CACNA2D1: variants seen among roughly 807,000 people sequenced by gnomAD.
The protein encoded by CACNA2D1 is calcium voltage-gated channel auxiliary subunit alpha2delta 1, also known as voltage-dependent calcium channel subunit alpha-2/delta-1.
Under a neutral mutation model 171.5 loss-of-function variants are expected in CACNA2D1, and 53 were observed. The observed-to-expected ratio is 0.31, with a 90% CI of 0.25 to 0.39. The LOEUF (loss-of-function observed/expected upper bound fraction) is 0.39, where lower values mean the gene tolerates loss of function less well. CACNA2D1 is among the 10% of genes least tolerant of loss of function. CACNA2D1 has a pLI of 1.00. For missense variants in CACNA2D1, 903 were observed against 1,299.8 expected, an observed-to-expected ratio of 0.69 and a Z score of 4.69; for synonymous variants, 442 against 443.1, an observed-to-expected ratio of 1.00 and a Z score of 0.03.
intron 3 of CACNA2D1, among the ~76,000 whole-genome samples, chr7:82,323,557 C>A (rs1816266777): frequency 6.6e-6 from 1 of 152,168 alleles, no homozygotes; most frequent in Non-Finnish European, 1.5e-5. Flanking sequence ...AGAAGGACCC[C>A]ATGTTTGGTT....
At chr7:82,290,278 A>G (rs1811352392) in intron 3 of CACNA2D1, among the ~76,000 whole-genome samples, 1 of 152,128 alleles carries the variant, frequency 6.6e-6, no homozygotes, top group Non-Finnish European at 1.5e-5. Context: ...TGAGGAGGTA[A>G]AGGAGGAGGA....
At chr7:82,002,021 C>A (rs1484761355) in intron 18 of CACNA2D1, among the ~76,000 whole-genome samples, 1,224 of 89,386 alleles carry the variant, frequency 0.014, no homozygotes, top group South Asian at 0.017. Flanking sequence ...ATTGATTTGA[C>A]AAAAAAAAAA....
chr7:82,302,219 A>G (rs1354971865), intron 3 of CACNA2D1, among the ~76,000 whole-genome samples: 2 of 152,170 alleles, frequency 1.3e-5, no homozygotes, highest in Admixed American at 6.5e-5. Flanking sequence ...CATATAAAAA[A>G]TGTTTTATGT....
intron 12 of CACNA2D1, among the ~76,000 whole-genome samples, chr7:82,019,547 A>G (rs1011007272): frequency 1.3e-5 from 2 of 152,214 alleles, no homozygotes; most frequent in African/African-American, 4.8e-5. Context: ...TGTTCCTTAT[A>G]TCCCACTGAT....
At chr7:82,272,465 T>C (rs897548856) in intron 3 of CACNA2D1, among the ~76,000 whole-genome samples, 1 of 152,122 alleles carries the variant, frequency 6.6e-6, no homozygotes, top group Non-Finnish European at 1.5e-5. Context: ...TAGCATAAAG[T>C]AGAAAGGATA....
At chr7:82,369,534 T>A (rs1374418292) in intron 1 of CACNA2D1, among the ~76,000 whole-genome samples, 1 of 151,924 alleles carries the variant, frequency 6.6e-6, no homozygotes, top group Non-Finnish European at 1.5e-5. Flanking sequence ...TGTATATTCA[T>A]TACATCACAA....
intron 3 of CACNA2D1, among the ~76,000 whole-genome samples, chr7:82,258,646 A>G (rs144776298): frequency 0.014 from 2,201 of 152,262 alleles, 56 homozygotes; most frequent in African/African-American, 0.05. Context: ...AGCTCTTTTC[A>G]AAGTATTTAA....
chr7:82,162,590 G>C (rs1487602246), intron 4 of CACNA2D1, among the ~76,000 whole-genome samples: 2 of 151,878 alleles, frequency 1.3e-5, no homozygotes, highest in Non-Finnish European at 2.9e-5. Context: ...TTAAGAACTT[G>C]AAGAAAAATG....
At chr7:82,393,239 A>G (rs1825394734) in intron 1 of CACNA2D1, among the ~76,000 whole-genome samples, 1 of 152,150 alleles carries the variant, frequency 6.6e-6, no homozygotes, top group East Asian at 1.9e-4. Context: ...AGCTATATAC[A>G]AACATGTAGG....
chr7:82,294,653 G>C (rs781167578), intron 3 of CACNA2D1, among the ~76,000 whole-genome samples: 1 of 151,918 alleles, frequency 6.6e-6, no homozygotes, highest in Non-Finnish European at 1.5e-5. Context: ...TAATTACAGA[G>C]GAATCCCTGC....
intron 1 of CACNA2D1, among the ~76,000 whole-genome samples, chr7:82,356,663 T>TA (rs914924985): frequency 3.0e-4 from 46 of 151,838 alleles, no homozygotes; most frequent in African/African-American, 6.5e-4. Flanking sequence ...ACCATTTTTT[T>TA]AAAAAAAATA....
rs954347299 is a variant in CACNA2D1 at position 81,950,076 on chromosome 7, T to C, written c.*316A>G. 4.8e-5 allele frequency: 15 copies of C among 313,014 alleles called. No individual in the cohort carries two copies. The highest frequency in any genetic ancestry group is 3.6e-4 in the South Asian group (6 of 16,620). The allele number at this position is 313,014 out of a possible 1,614,324, so 19.4% of individuals were successfully genotyped here. ...ATTTCTTATGGTTCATTAACAATTG[T>C]ATGGGGAACCCTTTCACATGTAATC... is the stretch of plus-strand genomic sequence containing the variant. On this transcript the variant is annotated 3_prime_UTR_variant, in exon 39 of 39. Coordinates refer to ENST00000356860, the MANE Select transcript of CACNA2D1 (RefSeq NM_000722.4).
intron 1 of CACNA2D1, among the ~76,000 whole-genome samples, chr7:82,372,195 T>C (rs963979591): frequency 3.3e-5 from 5 of 152,178 alleles, no homozygotes; most frequent in Admixed American, 6.5e-5. Context: ...GCTTAAAAAC[T>C]GTAGATTATT....
At chr7:81,978,812 ATATATATATT>A (rs1341810523) in intron 24 of CACNA2D1, among the ~76,000 whole-genome samples, 1,044 of 82,126 alleles carry the variant, frequency 0.013, 7 homozygotes, top group Non-Finnish European at 0.018. Context: ...ATATATATAT[ATATATATATT>A]TATTTATTTA....
chr7:82,014,251 T>G (rs957155700), intron 13 of CACNA2D1, 150 bp downstream of exon 13: 3 of 609,904 alleles, frequency 4.9e-6, no homozygotes, highest in Admixed American at 5.6e-5. Flanking sequence ...TGGTATGTGT[T>G]TTCTCTATAA....
chr7:82,184,512 G>T (rs912070551), intron 3 of CACNA2D1, among the ~76,000 whole-genome samples: 1 of 151,744 alleles, frequency 6.6e-6, no homozygotes, highest in Admixed American at 6.6e-5. Flanking sequence ...CTTCTTAAGT[G>T]AGTTTTAATG....
chr7:82,060,162 T>TGC (rs1806486571), intron 10 of CACNA2D1, among the ~76,000 whole-genome samples: 1 of 39,034 alleles, frequency 2.6e-5, no homozygotes, highest in Admixed American at 5.3e-4. Flanking sequence ...ATTATATATA[T>TGC]ATAATATATA....
At chr7:82,020,743 T>C (rs1801089301) in intron 12 of CACNA2D1, 1 of 152,152 alleles carries the variant, frequency 6.6e-6, no homozygotes, top group African/African-American at 2.4e-5. Flanking sequence ...GGGTATTTTC[T>C]AAATGCCATT....
intron 12 of CACNA2D1, among the ~76,000 whole-genome samples, chr7:82,027,058 G>A (rs1035320568): frequency 1.3e-5 from 2 of 151,496 alleles, no homozygotes; most frequent in African/African-American, 4.8e-5. Flanking sequence ...GGCTGAGAAG[G>A]GTATGCTGGG....
Sources: gnomAD v4.1 joint callset for allele counts (sites outside exome capture counted in the v4.1 genomes callset) on GRCh38, gnomAD v4.1.1 for gene constraint, MANE v1.5 for transcripts, NCBI Gene and HGNC (gene_info 2026-07-23, HGNC 2026-07-21) for gene names.